LRP2BP: variants seen among roughly 807,000 people sequenced by gnomAD.
The protein encoded by LRP2BP is LRP2-binding protein.
In LRP2BP, 38 loss-of-function variants were observed where a neutral mutation model predicts 45.2. The observed-to-expected ratio is 0.84, with a 90% confidence interval of 0.65 to 1.10. LRP2BP has a LOEUF of 1.10. Among genes scored for constraint, LRP2BP ranks in the 50% least tolerant of loss-of-function variants. LRP2BP has a pLI of 0.00. For missense variants in LRP2BP, 385 were observed against 418.9 expected (o/e 0.92, Z 0.71); for synonymous variants, 153 against 153.9 (o/e 0.99, Z 0.04).
At chr4:185,368,795 G>GTTTTTTT (rs34691416) in intron 8 of LRP2BP, among the ~76,000 whole-genome samples, 1 of 133,086 alleles carries the variant, frequency 7.5e-6, no homozygotes. Flanking sequence ...AATCTGTTTT[G>GTTTTTTT]TTTTTTTTTT....
chr4:185,390,883 G>A (rs1272100440), intron 1 of LRP2BP: 1 of 152,174 alleles, frequency 6.6e-6, no homozygotes, highest in African/African-American at 2.4e-5. Flanking sequence ...GTCCCCCACT[G>A]TTAACATCAC....
rs1332905992 is a variant in LRP2BP, at chr4:185,364,222, G to A, written c.*2958C>T. ...GGAGAGATGGGAGCTGACCCTTGGA[G>A]TATGGGCAGGGCCGAGATGGGGGAG... On this transcript the variant is annotated 3_prime_UTR_variant, in exon 9 of 9. Coordinates refer to ENST00000505916, the MANE Select transcript of LRP2BP (RefSeq NM_001377440.1). The A allele has an allele frequency of 1.3e-5, 2 of 152,244 alleles. No homozygotes were observed. The highest frequency in any genetic ancestry group is 2.9e-5 in the Non-Finnish European group (2 of 68,084). 9.4% of individuals were successfully genotyped at this position (152,244 alleles called of 1,614,324 possible). A position where few individuals can be genotyped will look rare whatever the true frequency, so the allele number is the denominator to read the frequency against.
intron 1 of LRP2BP, among the ~76,000 whole-genome samples, chr4:185,393,575 G>T (rs1052633052): frequency 1.3e-5 from 2 of 151,154 alleles, no homozygotes; most frequent in Non-Finnish European, 2.9e-5. Context: ...ACCCAGGCTG[G>T]AGTGCAGTGG....
intron 1 of LRP2BP, among the ~76,000 whole-genome samples, chr4:185,386,243 G>A (rs766879143): frequency 6.6e-5 from 10 of 152,226 alleles, no homozygotes. Context: ...AAAGGGATCA[G>A]CTTAAAGGCT....
intron 1 of LRP2BP, among the ~76,000 whole-genome samples, chr4:185,394,106 A>G (rs920326025): frequency 1.3e-5 from 2 of 152,056 alleles, no homozygotes; most frequent in Non-Finnish European, 2.9e-5. Flanking sequence ...GAAAATACAA[A>G]AATTAGCTGG....
At chr4:185,389,000 C>T (rs1289075685) in intron 1 of LRP2BP, among the ~76,000 whole-genome samples, 2 of 151,894 alleles carry the variant, frequency 1.3e-5, no homozygotes, top group African/African-American at 2.4e-5. Flanking sequence ...TTGAATCAGC[C>T]TCCCAAGTAG....
intron 6 of LRP2BP, among the ~76,000 whole-genome samples, 178 bp downstream of exon 6, chr4:185,373,957 G>A (rs1279993425): frequency 2.0e-5 from 3 of 152,094 alleles, no homozygotes; most frequent in Non-Finnish European, 2.9e-5. Context: ...GGTAGAGGTA[G>A]GGAAGGGGAC....
In LRP2BP at chr4:185,395,896, C is replaced by A; in HGVS notation, c.-1139G>T. 2 of 985,470 alleles carry A rather than the reference C, an allele frequency of 2.0e-6. No homozygotes were observed. The highest frequency in any genetic ancestry group is 9.4e-5 in the South Asian group (2 of 21,288). The allele number at this position is 985,470 out of a possible 1,614,324, so 61.0% of individuals were successfully genotyped here. On this transcript the variant is annotated 5_prime_UTR_variant, in exon 1 of 9. Transcript: ENST00000505916. ...CTGGAGCTTTGGTTTCTAAGCAGAT[C>A]CTTCTGGAAAGACGCTTAGGGAGAG...
intron 1 of LRP2BP, among the ~76,000 whole-genome samples, chr4:185,389,490 G>A (rs2095482417): frequency 1.3e-5 from 2 of 152,102 alleles, no homozygotes; most frequent in South Asian, 2.1e-4. Context: ...GATTACAGGC[G>A]TGAGCCACCG....
chr4:185,397,117 G>A, upstream of LRP2BP: 1 of 1,611,850 alleles, frequency 6.2e-7, no homozygotes, highest in Non-Finnish European at 8.5e-7. Flanking sequence ...GGACAAAGGT[G>A]GGAAGGGTGC....
intron 8 of LRP2BP, among the ~76,000 whole-genome samples, chr4:185,367,628 C>G (rs2095394228): frequency 6.6e-6 from 1 of 152,086 alleles, no homozygotes; most frequent in Non-Finnish European, 1.5e-5. Flanking sequence ...TTAAAATATA[C>G]AGCTAAAATA....
intron 1 of LRP2BP, among the ~76,000 whole-genome samples, chr4:185,393,955 T>C (rs905453426): frequency 5.3e-5 from 8 of 152,190 alleles, no homozygotes; most frequent in African/African-American, 1.9e-4. Flanking sequence ...ATTACAATAA[T>C]TTTCTCTGAA....
chr4:185,388,412 ATTTCCT>A (rs1228986404), intron 1 of LRP2BP, among the ~76,000 whole-genome samples: 1 of 152,150 alleles, frequency 6.6e-6, no homozygotes, highest in African/African-American at 2.4e-5. Context: ...GGGCTCCCAG[ATTTCCT>A]TTTCCTTTTA....
chr4:185,364,890 T>G lies in LRP2BP; in HGVS notation c.*2290A>C, dbSNP rs1165289060. ...TCTATGCTATCATTTAAACTGTAGC[T>G]GTTAAGTTTACATTGCGAATGAGAA... On this transcript the variant is annotated 3_prime_UTR_variant, in exon 9 of 9. Coordinates refer to ENST00000505916, the MANE Select transcript of LRP2BP (RefSeq NM_001377440.1). 1 of 152,256 alleles carries G rather than the reference T, an allele frequency of 6.6e-6. No individual in the cohort carries two copies. The highest frequency in any genetic ancestry group is 2.4e-5 in the African/African-American group (1 of 41,466). 9.4% of individuals were successfully genotyped at this position (152,256 alleles called of 1,614,324 possible).
chr4:185,368,956 G>A (rs763716938), intron 8 of LRP2BP, among the ~76,000 whole-genome samples: 1 of 151,784 alleles, frequency 6.6e-6, no homozygotes, highest in Non-Finnish European at 1.5e-5. Flanking sequence ...ACCATGATGG[G>A]CTAATTTTTG....
rs2095377769 is a variant in LRP2BP at position 185,363,998 on chromosome 4, T to C, written c.*3182A>G. 1 of 152,908 alleles carries C rather than the reference T, an allele frequency of 6.5e-6. No individual in the cohort carries two copies. The highest frequency in any genetic ancestry group is 1.5e-5 in the Non-Finnish European group (1 of 68,250). The allele number at this position is 152,908 out of a possible 1,614,324, so 9.5% of individuals were successfully genotyped here. ...TGCTCTATGATATTTAAGATACTTA[T>C]ATCTCAAAGAGGTTGAAACTCTACA... On this transcript the variant is annotated 3_prime_UTR_variant, in exon 9 of 9. Coordinates refer to ENST00000505916, the MANE Select transcript of LRP2BP (RefSeq NM_001377440.1). This position sits in a 1 kb window ranked among gnomAD's most constrained non-coding sequence, Gnocchi z 4.2.
At chr4:185,384,000 G>C (rs896416772) in intron 1 of LRP2BP, among the ~76,000 whole-genome samples, 1 of 152,184 alleles carries the variant, frequency 6.6e-6, no homozygotes, top group Non-Finnish European at 1.5e-5. Context: ...TGTTGCCCAT[G>C]AGTACAACTA....
Position 185,394,954 on chromosome 4 carries a change from G to T in LRP2BP, c.-197C>A. ...TGATCCCACCTGCTACACGCCTGGTGAAACTCCAGTTACTTGCCAGTAAGA... is the reference window on the plus strand; with the variant it reads ...TGATCCCACCTGCTACACGCCTGGTTAAACTCCAGTTACTTGCCAGTAAGA... On this transcript the variant is annotated 5_prime_UTR_variant, in exon 1 of 9. Transcript: ENST00000505916. 2 of 985,480 alleles carry T rather than the reference G, an allele frequency of 2.0e-6. No individual in the cohort carries two copies. The highest frequency in any genetic ancestry group is 1.2e-6 in the Non-Finnish European group (1 of 829,946). The allele number at this position is 985,480 out of a possible 1,614,324, so 61.0% of individuals were successfully genotyped here. A position where few individuals can be genotyped will look rare whatever the true frequency, so the allele number is the denominator to read the frequency against.
At chr4:185,372,791 T>G in intron 7 of LRP2BP, 65 bp downstream of exon 7, 1 of 1,347,646 alleles carries the variant, frequency 7.4e-7, no homozygotes, top group Non-Finnish European at 1.0e-6. Context: ...AAATTTCTGT[T>G]TCTCATAAAT....
Sources: gnomAD v4.1 joint callset for allele counts (sites outside exome capture counted in the v4.1 genomes callset) on GRCh38, gnomAD v4.1.1 for gene constraint, Gnocchi (gnomAD v3.1) non-coding constraint, MANE v1.5 for transcripts, NCBI Gene and HGNC (gene_info 2026-07-23, HGNC 2026-07-21) for gene names.